The following SYNE2 variants were observed in gnomAD, a reference collection of about 807,000 sequenced individuals.
SYNE2 encodes nesprin-2.
SYNE2 carries 431 observed loss-of-function variants against 856.3 expected under a neutral mutation model. That is an observed-to-expected ratio of 0.50 (90% CI 0.47 to 0.55). The LOEUF (loss-of-function observed/expected upper bound fraction) is 0.55, where lower values mean the gene tolerates loss of function less well. Ranked by LOEUF, SYNE2 falls within the 20% of genes least tolerant of loss-of-function variation. The pLI, the probability that SYNE2 is intolerant of heterozygous loss-of-function variation, is 0.00. For synonymous variants in SYNE2, 2,923 were observed against 2,872.3 expected, an observed-to-expected ratio of 1.02 and a Z score of -0.56; for missense variants, 8,129 against 8,023.2, an observed-to-expected ratio of 1.01 and a Z score of -0.50.
chr14:64,140,758 G>A lies in SYNE2; in HGVS notation c.14977-583G>A, dbSNP rs370642750. Among the ~76,000 whole-genome samples the A allele has an allele frequency of 1.6e-4, 25 of 152,192 alleles. 1 individual carries two copies. The highest frequency in any genetic ancestry group is 3.4e-3 in the Middle Eastern group (1 of 294). ...AAAGCTTTTGTTCCATTGTTTTGAGGTGTTTTTTGGAAAAAAATTCAAAAA... is the reference window on the plus strand; with the variant it reads ...AAAGCTTTTGTTCCATTGTTTTGAGATGTTTTTTGGAAAAAAATTCAAAAA... On this transcript the variant is annotated intron_variant, in intron 80 of 115. Coordinates refer to ENST00000555002, the MANE Select transcript of SYNE2 (RefSeq NM_182914.3).
chr14:63,799,113 C>G (rs1444972468), intron 1 of SYNE2, among the ~76,000 whole-genome samples: 1 of 152,224 alleles, frequency 6.6e-6, no homozygotes, highest in Non-Finnish European at 1.5e-5. Context: ...GACTTTCGCT[C>G]TGTCATCCAG....
Position 64,052,903 on chromosome 14 carries a change from A to T in SYNE2, c.8990A>T (p.Gln2997Leu). 6.2e-7 allele frequency: 1 copy of T among 1,613,524 alleles called. No individual in the cohort carries two copies. The highest frequency in any genetic ancestry group is 1.1e-5 in the South Asian group (1 of 90,770). ...RLTAIKCCIL[Q>L]VLKLKKVFDY... is the part of the protein sequence containing the mutation. The stretch of plus-strand genomic sequence containing the variant: ...ACCGCTATTAAGTGTTGCATCTTAC[A>T]GGTATTGAAACTTAAAAAAGTGTTT... Residue 2997 changes from glutamine (Q) to leucine (L), a missense_variant, in exon 48 of 116, where the codon CAG becomes CTG. This residue lies in a region of SYNE2 where 5,410 missense variants were observed against 5,284.8 expected (regional missense o/e 1.02). Transcript: ENST00000555002.
chr14:64,160,450 T>G (rs1054695525), intron 87 of SYNE2, among the ~76,000 whole-genome samples: 1 of 152,232 alleles, frequency 6.6e-6, no homozygotes, highest in Non-Finnish European at 1.5e-5. Flanking sequence ...CCTCATGGAT[T>G]GGTAAGTAGG....
intron 47 of SYNE2, among the ~76,000 whole-genome samples, chr14:64,050,106 G>T (rs1257264348): frequency 1.3e-5 from 2 of 152,116 alleles, no homozygotes; most frequent in Non-Finnish European, 2.9e-5. Context: ...CTGCCTTGGA[G>T]GGTGGGAAGT....
At chr14:64,015,296 A>G (rs907388642) in intron 32 of SYNE2, among the ~76,000 whole-genome samples, 5 of 151,792 alleles carry the variant, frequency 3.3e-5, no homozygotes, top group Admixed American at 6.6e-5. Flanking sequence ...TGTTTGGTCA[A>G]ATTCTCTAGT....
intron 51 of SYNE2, among the ~76,000 whole-genome samples, chr14:64,068,232 G>C (rs1413698233): frequency 6.6e-6 from 1 of 151,974 alleles, no homozygotes. Flanking sequence ...GCAAAATCAA[G>C]GTTTAAGACA....
In SYNE2 at chr14:64,218,299, C is replaced by T. The variant is rs2098676411; in HGVS notation, c.19543-99C>T. ...CAAGATACCCTTCAAAGGAAAGGGG[C>T]CCATCTCATTTCTTCACTGTTAATA... On this transcript the variant is annotated intron_variant, in intron 108 of 115. Coordinates refer to ENST00000555002, the MANE Select transcript of SYNE2 (RefSeq NM_182914.3). 23 of 1,059,404 alleles carry T rather than the reference C, an allele frequency of 2.2e-5. 1 individual carries two copies. In the South Asian group the frequency reaches 3.1e-4, roughly 14 times the overall value. 65.6% of individuals were successfully genotyped at this position (1,059,404 alleles called of 1,614,324 possible). A position where few individuals can be genotyped will look rare whatever the true frequency, so the allele number is the denominator to read the frequency against.
At chr14:64,092,465 G>A (rs779488441) in intron 60 of SYNE2, among the ~76,000 whole-genome samples, 8 of 152,148 alleles carry the variant, frequency 5.3e-5, no homozygotes, top group Admixed American at 2.6e-4. Flanking sequence ...TGGAGAGAAC[G>A]GGATGTAGTT....
At chr14:63,853,957 A>G (rs1381572388) in intron 1 of SYNE2, among the ~76,000 whole-genome samples, 1 of 152,098 alleles carries the variant, frequency 6.6e-6, no homozygotes, top group African/African-American at 2.4e-5. Context: ...TGCTGCTGGG[A>G]ACATTAGCGC....
At chr14:63,815,182 ATATATATATCCATATATATATC>A (rs1888901422) in intron 1 of SYNE2, among the ~76,000 whole-genome samples, 1 of 56,066 alleles carries the variant, frequency 1.8e-5, no homozygotes, top group Non-Finnish European at 3.3e-5. Flanking sequence ...ATATATATCC[ATATATATATCCATATATATATC>A]CATATATATA....
chr14:64,220,378 A>G (rs547300290), intron 110 of SYNE2, 59 bp from the exon 111 acceptor site: 1 of 1,595,274 alleles, frequency 6.3e-7, no homozygotes, highest in East Asian at 2.2e-5. Flanking sequence ...TGAGGTTCAA[A>G]ATGAGCCCCT....
intron 82 of SYNE2, 30 bp from the exon 83 acceptor site, chr14:64,143,741 CT>C: frequency 6.2e-7 from 1 of 1,612,322 alleles, no homozygotes; most frequent in Non-Finnish European, 8.5e-7. Context: ...ACATTCATGA[CT>C]GCTTTGGTGT....
intron 57 of SYNE2, among the ~76,000 whole-genome samples, chr14:64,086,149 C>G (rs1033187619): frequency 6.6e-6 from 1 of 152,216 alleles, no homozygotes; most frequent in East Asian, 1.9e-4. Context: ...AACTCTTACT[C>G]TCTTAGATCT....
intron 61 of SYNE2, among the ~76,000 whole-genome samples, chr14:64,097,064 C>T (rs56123497): frequency 0.051 from 7,800 of 152,268 alleles, 285 homozygotes; most frequent in Non-Finnish European, 0.072. Context: ...GTATTTGTCA[C>T]CTGCTGTTTC....
At chr14:63,781,278 CAAA>C (rs60075405) in intron 1 of SYNE2, among the ~76,000 whole-genome samples, 6 of 80,686 alleles carry the variant, frequency 7.4e-5, no homozygotes, top group Admixed American at 1.4e-4. Context: ...AACTCCAACT[CAAA>C]AAAAAAAAAA....
intron 2 of SYNE2, among the ~76,000 whole-genome samples, chr14:63,917,825 T>A (rs188801287): frequency 4.9e-4 from 74 of 152,254 alleles, no homozygotes; most frequent in African/African-American, 1.7e-3. Flanking sequence ...AATAAGAGCT[T>A]TTGTGGTATT....
intron 99 of SYNE2, among the ~76,000 whole-genome samples, chr14:64,195,128 ACT>A (rs997002054): frequency 9.9e-5 from 15 of 151,624 alleles, no homozygotes; most frequent in African/African-American, 3.6e-4. Flanking sequence ...CTCTTTAAAG[ACT>A]CTTTCTAGCA....
intron 1 of SYNE2, among the ~76,000 whole-genome samples, chr14:63,792,414 G>A (rs972267268): frequency 3.3e-5 from 5 of 152,066 alleles, no homozygotes; most frequent in African/African-American, 1.2e-4. Flanking sequence ...CATTAGGCTG[G>A]CGTGGTGATG....
intron 1 of SYNE2, among the ~76,000 whole-genome samples, chr14:63,895,190 C>T (rs543408237): frequency 2.4e-4 from 36 of 151,476 alleles, no homozygotes; most frequent in South Asian, 2.1e-3. Context: ...CTGCAACCTC[C>T]GCCTCCTGGG....
Sources: gnomAD v4.1 joint callset for allele counts (sites outside exome capture counted in the v4.1 genomes callset) on GRCh38, gnomAD v4.1.1 for gene constraint, gnomAD v4.1.1 regional missense constraint, MANE v1.5 for transcripts, NCBI Gene and HGNC (gene_info 2026-07-23, HGNC 2026-07-21) for gene names.